The following ZNRF3 variants were observed in gnomAD, a reference collection of about 807,000 sequenced individuals.
The protein encoded by ZNRF3 is E3 ubiquitin-protein ligase ZNRF3.
ZNRF3 carries 23 observed loss-of-function variants against 72.5 expected under a neutral mutation model. That is an observed-to-expected ratio of 0.32 (90% confidence interval 0.23 to 0.45). ZNRF3 has a LOEUF of 0.45. ZNRF3 is among the 20% of genes least tolerant of loss of function. The pLI is 1.00. For synonymous variants in ZNRF3, 610 were observed against 545.3 expected, an observed-to-expected ratio of 1.12 and a Z score of -1.65; for missense variants, 1,169 against 1,272.1, an observed-to-expected ratio of 0.92 and a Z score of 1.23.
chr22:28,891,579 T>G (rs2123744084), intron 1 of ZNRF3, among the ~76,000 whole-genome samples: 1 of 152,378 alleles, frequency 6.6e-6, no homozygotes, highest in Middle Eastern at 3.4e-3. Context: ...GTAAAGTCAC[T>G]TGTCAAAGTC....
chr22:28,997,047 C>G (rs116085910), intron 2 of ZNRF3, among the ~76,000 whole-genome samples: 3,865 of 152,212 alleles, frequency 0.025, 77 homozygotes, highest in African/African-American at 0.059. Context: ...GTGAGATTCT[C>G]AACTTAAGAG....
At chr22:28,937,215 A>ATTTTTTT (rs370829828) in intron 1 of ZNRF3, among the ~76,000 whole-genome samples, 15 of 8,842 alleles carry the variant, frequency 1.7e-3, no homozygotes, top group South Asian at 5.5e-3. Flanking sequence ...ATATATATAT[A>ATTTTTTT]TTTTTTTTTT....
rs371140188 is a variant in ZNRF3 at position 29,008,359 on chromosome 22, A to G, written c.426+21158A>G. On this transcript the variant is annotated intron_variant, in intron 2 of 8. Coordinates refer to ENST00000544604, the MANE Select transcript of ZNRF3 (RefSeq NM_001206998.2). Reference sequence around the variant, plus strand: ...CCTGTTTGTGCTCTCCCTGAGGGTGATGGTTTCACTTATTCCATGCTCTGA... The same window carrying G: ...CCTGTTTGTGCTCTCCCTGAGGGTGGTGGTTTCACTTATTCCATGCTCTGA... 4.6e-5 allele frequency among the ~76,000 whole-genome samples: 7 copies of G among 152,278 alleles called. No individual in the cohort carries two copies. In the East Asian group the frequency reaches 9.6e-4, roughly 21 times the overall value.
At chr22:28,946,867 G>A (rs2035061574) in intron 1 of ZNRF3, among the ~76,000 whole-genome samples, 1 of 152,176 alleles carries the variant, frequency 6.6e-6, no homozygotes. Context: ...GTGAGGAGGT[G>A]AGTAGCTATG....
chr22:28,914,712 G>A (rs989970638), intron 1 of ZNRF3, among the ~76,000 whole-genome samples: 1 of 151,628 alleles, frequency 6.6e-6, no homozygotes, highest in African/African-American at 2.4e-5. Flanking sequence ...TACTCGGGAG[G>A]CTGAGGCAGG....
intron 2 of ZNRF3, chr22:28,993,070 T>A (rs2035985853): frequency 6.6e-6 from 1 of 152,254 alleles, no homozygotes; most frequent in Non-Finnish European, 1.5e-5. Flanking sequence ...AGTTTGGTCT[T>A]CATTCTCTAA....
Position 29,031,587 on chromosome 22 carries a change from C to CT in ZNRF3, c.427-10907dup, listed in dbSNP as rs1363973166. ...CAAGAGCCTGGTGCCTGGGTGGTCA[C>CT]TACTAAGTGAAGAACTCGAGGAGGA... On this transcript the variant is annotated intron_variant, in intron 2 of 8. Transcript: ENST00000544604. The CT allele has an allele frequency of 9.1e-6, 9 of 985,490 alleles. No homozygotes were observed. In the African/African-American group the frequency reaches 1.6e-4, roughly 17 times the overall value. The allele number at this position is 985,490 out of a possible 1,614,324, so 61.0% of individuals were successfully genotyped here. A position where few individuals can be genotyped will look rare whatever the true frequency, so the allele number is the denominator to read the frequency against.
At position 28,994,176 on chromosome 22, in the gene ZNRF3, C is replaced by CTTTTTTTTTTTTTTTTTTTTTTTTTT. The variant is rs57329565; in HGVS notation, c.426+6977_426+7002dup. ...TCCTTTATTGTCCTTCAGTTCCTTT[C>CTTTTTTTTTTTTTTTTTTTTTTTTTT]TTTTTTTTTTTTTTTTTTTTTTTTT... On this transcript the variant is annotated intron_variant, in intron 2 of 8. Coordinates refer to ENST00000544604, the MANE Select transcript of ZNRF3 (RefSeq NM_001206998.2). 1.0e-3 allele frequency among the ~76,000 whole-genome samples: 40 copies of CTTTTTTTTTTTTTTTTTTTTTTTTTT among 39,808 alleles called. 6 individuals carry two copies. Among genetic ancestry groups the CTTTTTTTTTTTTTTTTTTTTTTTTTT allele is most frequent in the East Asian group, 1.9e-3 (3 of 1,598 alleles). The allele number at this position is 39,808 out of a possible 152,430, so 26.1% of individuals were successfully genotyped here. A position where few individuals can be genotyped will look rare whatever the true frequency, so the allele number is the denominator to read the frequency against.
intron 1 of ZNRF3, among the ~76,000 whole-genome samples, chr22:28,914,810 G>A (rs989838865): frequency 5.0e-5 from 7 of 139,914 alleles, no homozygotes; most frequent in African/African-American, 1.3e-4. Flanking sequence ...ATGAAACTCC[G>A]TCTCAAAAAA....
chr22:29,008,917 T>A (rs2123851124), intron 2 of ZNRF3, among the ~76,000 whole-genome samples: 1 of 152,320 alleles, frequency 6.6e-6, no homozygotes, highest in South Asian at 2.1e-4. Context: ...GTGCTAGGGT[T>A]TGTAATTTAA....
intron 1 of ZNRF3, among the ~76,000 whole-genome samples, chr22:28,964,995 G>T (rs988857458): frequency 6.6e-6 from 1 of 152,066 alleles, no homozygotes; most frequent in Admixed American, 6.6e-5. Flanking sequence ...TTGAAAAGAG[G>T]GTGTGCCCAA....
At chr22:28,960,461 A>G (rs940484385) in intron 1 of ZNRF3, among the ~76,000 whole-genome samples, 6 of 152,058 alleles carry the variant, frequency 3.9e-5, no homozygotes, top group Admixed American at 6.6e-5. Flanking sequence ...GCTGTTTGCT[A>G]TGGTGGCAGT....
chr22:28,906,657 C>T (rs1179308359), intron 1 of ZNRF3, among the ~76,000 whole-genome samples: 3 of 152,208 alleles, frequency 2.0e-5, no homozygotes, highest in Non-Finnish European at 1.5e-5. Context: ...AAAATTGTGA[C>T]TCTCAAAGGG....
intron 2 of ZNRF3, among the ~76,000 whole-genome samples, chr22:29,035,546 T>G (rs1310575454): frequency 6.6e-6 from 1 of 152,198 alleles, no homozygotes; most frequent in African/African-American, 2.4e-5. Flanking sequence ...CAGAACAGTG[T>G]ATGTCCAATA....
chr22:28,964,765 G>A (rs2035428955), intron 1 of ZNRF3, among the ~76,000 whole-genome samples: 1 of 152,260 alleles, frequency 6.6e-6, no homozygotes, highest in African/African-American at 2.4e-5. Context: ...GGACTCCTCA[G>A]CAACAGGGCA....
At position 28,949,009 on chromosome 22, in the gene ZNRF3, C is replaced by T. The variant is rs914628608; in HGVS notation, c.301-38067C>T. Among the ~76,000 whole-genome samples, 5 of 152,220 alleles carry T rather than the reference C, an allele frequency of 3.3e-5. No homozygotes were observed. In the East Asian group the frequency reaches 9.6e-4, roughly 29 times the overall value. On this transcript the variant is annotated intron_variant, in intron 1 of 8. Coordinates refer to ENST00000544604, the MANE Select transcript of ZNRF3 (RefSeq NM_001206998.2). ...ATTAATTATTTTTGAGGTGGAGTTT[C>T]GCTCCTGTTGCCCAGGCTGGAGTGC...
intron 1 of ZNRF3, among the ~76,000 whole-genome samples, chr22:28,934,228 T>C (rs2034777235): frequency 6.6e-6 from 1 of 152,130 alleles, no homozygotes; most frequent in Non-Finnish European, 1.5e-5. Flanking sequence ...GAGGGCCCCA[T>C]AAAATTTTAG....
chr22:28,932,116 C>T (rs947870447), intron 1 of ZNRF3, among the ~76,000 whole-genome samples: 4 of 152,144 alleles, frequency 2.6e-5, no homozygotes, highest in Non-Finnish European at 4.4e-5. Context: ...ATGGAGAGGA[C>T]CCGTTCAGCC....
intron 2 of ZNRF3, among the ~76,000 whole-genome samples, chr22:29,020,468 C>T (rs1381490235): frequency 1.3e-5 from 2 of 151,870 alleles, no homozygotes; most frequent in Non-Finnish European, 2.9e-5. Context: ...ACCATGCTGC[C>T]CAGGCTGGTC....
Sources: allele counts gnomAD v4.1 joint callset (sites outside exome capture counted in the v4.1 genomes callset), GRCh38; gene constraint gnomAD v4.1.1; transcripts MANE v1.5; gene names NCBI Gene and HGNC (gene_info 2026-07-23, HGNC 2026-07-21).